Variants in SPACA1 observed in about 807,000 individuals in gnomAD.
The protein encoded by SPACA1 is sperm acrosome membrane-associated protein 1.
SPACA1 carries 17 observed loss-of-function variants against 32.6 expected under a neutral mutation model. The ratio of observed to expected loss-of-function variants is 0.52; its 90% CI spans 0.36 to 0.78. SPACA1 has a LOEUF of 0.78. SPACA1 is among the 30% of genes least tolerant of loss of function. The pLI, the probability that SPACA1 is intolerant of heterozygous loss-of-function variation, is 0.01. For missense variants in SPACA1, 363 were observed against 373.4 expected (o/e 0.97, Z 0.23); for synonymous variants, 140 against 138.1 (o/e 1.01, Z -0.10).
chr6:88,058,869 A>G, intron 4 of SPACA1, 47 bp downstream of exon 4: 1 of 1,345,642 alleles, frequency 7.4e-7, no homozygotes, highest in African/African-American at 1.5e-5. Context: ...TGAGTGATAA[A>G]ATTTGTTTCT....
chr6:88,050,207 A>C (rs978032600), intron 1 of SPACA1, among the ~76,000 whole-genome samples: 4 of 152,210 alleles, frequency 2.6e-5, no homozygotes, highest in Admixed American at 1.3e-4. Context: ...CCTTTTAGCG[A>C]AACAGTATGG....
intron 2 of SPACA1, among the ~76,000 whole-genome samples, chr6:88,056,149 T>C (rs922984286): frequency 6.6e-6 from 1 of 151,624 alleles, no homozygotes; most frequent in African/African-American, 2.4e-5. Context: ...AGGTCAGGAG[T>C]TCGAGACCAG....
chr6:88,057,665 A>G lies in SPACA1; in HGVS notation c.319A>G (p.Lys107Glu). Residue 107 changes from lysine to glutamate, a missense_variant, in exon 3 of 7, where the codon AAG becomes GAG. Coordinates refer to ENST00000237201, the MANE Select transcript of SPACA1 (RefSeq NM_030960.3). ...LTNGCPGGES[K>E]CVVRVEECRG... ...AAATGGATGCCCTGGTGGTGAATCC[A>G]AGTGTGTTGTACGGGTAGAAGAATG... 1 of 1,614,104 alleles carries G rather than the reference A, an allele frequency of 6.2e-7. No homozygotes were observed. The highest frequency in any genetic ancestry group is 8.5e-7 in the Non-Finnish European group (1 of 1,179,976).
In SPACA1 at chr6:88,047,919, G is replaced by A; in HGVS notation, c.14G>A (p.Gly5Asp). 1 of 1,557,344 alleles carries A rather than the reference G, an allele frequency of 6.4e-7. No homozygotes were observed. The highest frequency in any genetic ancestry group is 8.7e-7 in the Non-Finnish European group (1 of 1,151,598). MSPRGTGCSAGLLMT... is the reference protein window; with the variant it reads MSPRDTGCSAGLLMT... ...GGGCCGAGAACCATGAGCCCCAGGGGCACGGGCTGCTCCGCCGGGCTGCTG... is the reference window on the plus strand; with the variant it reads ...GGGCCGAGAACCATGAGCCCCAGGGACACGGGCTGCTCCGCCGGGCTGCTG... The change falls in exon 1 of 7, where the codon GGC becomes GAC. Residue 5 changes from glycine (G) to aspartate (D), a missense_variant. By Grantham distance (94) the Gly-to-Asp change is moderately conservative. Coordinates refer to ENST00000237201, the MANE Select transcript of SPACA1 (RefSeq NM_030960.3).
chr6:88,064,114 G>A lies in SPACA1; in HGVS notation c.626G>A (p.Arg209Lys), dbSNP rs747857300. 11 of 1,613,150 alleles carry A rather than the reference G, an allele frequency of 6.8e-6. No homozygotes were observed. The highest frequency in any genetic ancestry group is 1.3e-5 in the African/African-American group (1 of 74,846). Residue 209 changes from arginine (R) to lysine (K), a missense_variant, in exon 6 of 7, where the codon AGA (arginine) becomes AAA (lysine). Transcript: ENST00000237201. ...VYTSSELQMR[R>K]SSLPATDAAL... ...TTTTCTCTAGAATTGCAGATGAGAA[G>A]ATCAAGCCTACCAGCCACTGATGCA...
chr6:88,066,182 G>T lies in SPACA1; in HGVS notation c.732G>T (p.Trp244Cys). 6.4e-7 allele frequency: 1 copy of T among 1,558,850 alleles called. No individual in the cohort carries two copies. Among genetic ancestry groups the T allele is most frequent in the South Asian group, 1.2e-5 (1 of 80,910 alleles). The change falls in exon 7 of 7, where the codon TGG becomes TGT. Residue 244 changes from tryptophan to cysteine, a missense_variant and splice_region_variant. Coordinates refer to ENST00000237201, the MANE Select transcript of SPACA1 (RefSeq NM_030960.3). ...IFLLIFIIIN[W>C]AAVKAFWGAK... ...TTTTGGTTTTTGTTTTTTCTTCCAG[G>T]GCAGCAGTCAAGGCTTTCTGGGGGG...
At chr6:88,064,738 A>G (rs546090580) in intron 6 of SPACA1, among the ~76,000 whole-genome samples, 3 of 149,508 alleles carry the variant, frequency 2.0e-5, no homozygotes, top group African/African-American at 7.3e-5. Context: ...ATATATATGT[A>G]CATATATATG....
intron 1 of SPACA1, among the ~76,000 whole-genome samples, chr6:88,053,574 G>T (rs1205971857): frequency 6.6e-6 from 1 of 152,094 alleles, no homozygotes; most frequent in Non-Finnish European, 1.5e-5. Context: ...CTCAATTTTG[G>T]AAAATAGAGA....
chr6:88,061,904 C>T (rs1048240198), intron 5 of SPACA1, among the ~76,000 whole-genome samples: 1 of 152,106 alleles, frequency 6.6e-6, no homozygotes, highest in Non-Finnish European at 1.5e-5. Context: ...GTGACCCTTG[C>T]AAGACTACTG....
intron 1 of SPACA1, among the ~76,000 whole-genome samples, chr6:88,053,691 G>C (rs1775763253): frequency 6.6e-6 from 1 of 152,122 alleles, no homozygotes; most frequent in East Asian, 1.9e-4. Flanking sequence ...CATTTTTAAG[G>C]TATATACAAA....
In SPACA1 at chr6:88,055,882, A is replaced by T. The variant is rs530893684; in HGVS notation, c.266-1730A>T. Among the ~76,000 whole-genome samples, 12 of 152,266 alleles carry T rather than the reference A, an allele frequency of 7.9e-5. No homozygotes were observed. In the South Asian group the frequency reaches 2.5e-3, roughly 32 times the overall value. Reference sequence around the variant, plus strand: ...GCTACTTGGGAGGCTAAGGCAGGAGAATTGCTTGAAGCCGGGAGGTGGAGG... The same window carrying T: ...GCTACTTGGGAGGCTAAGGCAGGAGTATTGCTTGAAGCCGGGAGGTGGAGG... On this transcript the variant is annotated intron_variant, in intron 2 of 6. Transcript: ENST00000237201.
intron 5 of SPACA1, among the ~76,000 whole-genome samples, chr6:88,060,740 C>T (rs968824006): frequency 3.3e-5 from 5 of 152,172 alleles, no homozygotes; most frequent in East Asian, 1.9e-4. Context: ...AACTAGCCCT[C>T]GTTCATGATA....
At chr6:88,055,490 A>C (rs574230791) in intron 2 of SPACA1, among the ~76,000 whole-genome samples, 16 of 152,352 alleles carry the variant, frequency 1.1e-4, no homozygotes, top group African/African-American at 3.1e-4. Flanking sequence ...AAACCTTCCA[A>C]TTTAGAACTA....
chr6:88,064,593 A>G (rs1395916241), intron 6 of SPACA1: 3 of 155,238 alleles, frequency 1.9e-5, no homozygotes, highest in African/African-American at 7.2e-5. Flanking sequence ...CAATATTTAT[A>G]ATACCTACAT....
chr6:88,053,457 T>C (rs1775760861), intron 1 of SPACA1, among the ~76,000 whole-genome samples: 1 of 152,204 alleles, frequency 6.6e-6, no homozygotes, highest in Admixed American at 6.5e-5. Flanking sequence ...TTCTTAGAAA[T>C]ATTTAAATTT....
intron 2 of SPACA1, among the ~76,000 whole-genome samples, chr6:88,054,225 ATTTTTTT>A (rs11372759): frequency 6.9e-6 from 1 of 144,022 alleles, no homozygotes; most frequent in Non-Finnish European, 1.5e-5. Context: ...CCAGCTCCCT[ATTTTTTT>A]TTTTTTTGCA....
rs139945031 is a variant in SPACA1, at chr6:88,063,191, C to T, written c.611-908C>T. On this transcript the variant is annotated intron_variant, in intron 5 of 6. Transcript: ENST00000237201. ...GCTAAACACACATCTGTCTACCCTA[C>T]GACCCAGCAATTCTATTATTAGACA... Among the ~76,000 whole-genome samples the T allele has an allele frequency of 2.4e-4, 37 of 152,234 alleles. No individual in the cohort carries two copies. The East Asian group carries it at 5.2e-3, about 21-fold the overall frequency.
chr6:88,051,089 G>A (rs150906040), intron 1 of SPACA1, among the ~76,000 whole-genome samples: 1 of 151,882 alleles, frequency 6.6e-6, no homozygotes, highest in Non-Finnish European at 1.5e-5. Context: ...GGAGCTTGCA[G>A]TGAGCCGAGA....
At chr6:88,064,300 C>G in intron 6 of SPACA1, 81 bp downstream of exon 6, 1 of 1,443,972 alleles carries the variant, frequency 6.9e-7, no homozygotes. Context: ...TTGCAAAGCC[C>G]TGTCCGTGAT....
Sources: gnomAD v4.1 joint callset for allele counts (sites outside exome capture counted in the v4.1 genomes callset) on GRCh38, gnomAD v4.1.1 for gene constraint, MANE v1.5 for transcripts, NCBI Gene and HGNC (gene_info 2026-07-23, HGNC 2026-07-21) for gene names.